LRRC1: variants seen among roughly 807,000 people sequenced by gnomAD.
LRRC1 encodes leucine-rich repeat-containing protein 1.
LRRC1 carries 28 observed loss-of-function variants against 69.9 expected under a neutral mutation model. The ratio of observed to expected loss-of-function variants is 0.40; its 90% CI spans 0.30 to 0.55. LRRC1 has a LOEUF of 0.55. Ranked by LOEUF, LRRC1 falls within the 20% of genes least tolerant of loss-of-function variation. The probability of loss-of-function intolerance (pLI) is 0.47; values close to 1 mark genes in which losing one functional copy is unlikely to be tolerated. For missense variants in LRRC1, 498 were observed against 609.0 expected (o/e 0.82, Z 1.92); for synonymous variants, 236 against 240.2 (o/e 0.98, Z 0.16).
chr6:53,900,376 A>G (rs1316628681), intron 8 of LRRC1, among the ~76,000 whole-genome samples: 2 of 152,134 alleles, frequency 1.3e-5, no homozygotes, highest in Non-Finnish European at 2.9e-5. Context: ...AAGAGTATTT[A>G]TTACAGCAGA....
At chr6:53,854,088 A>G (rs1237896745) in intron 2 of LRRC1, among the ~76,000 whole-genome samples, 3 of 152,150 alleles carry the variant, frequency 2.0e-5, no homozygotes, top group Non-Finnish European at 4.4e-5. Context: ...AAACCAACTG[A>G]CCTGGCAACT....
chr6:53,895,242 A>G (rs1332966247), intron 4 of LRRC1, among the ~76,000 whole-genome samples: 1 of 152,104 alleles, frequency 6.6e-6, no homozygotes, highest in Admixed American at 6.6e-5. Context: ...TTAAAAAGAA[A>G]TTGAAAGTTT....
intron 12 of LRRC1, among the ~76,000 whole-genome samples, 198 bp downstream of exon 12, chr6:53,919,868 A>G (rs1433563676): frequency 1.3e-5 from 2 of 152,190 alleles, no homozygotes. Context: ...ACTCCTATCT[A>G]TTTATCATGT....
chr6:53,906,256 C>T (rs1252106934), intron 10 of LRRC1, among the ~76,000 whole-genome samples: 2 of 152,174 alleles, frequency 1.3e-5, no homozygotes, highest in Admixed American at 6.5e-5. Context: ...AGATGAGTCT[C>T]CCAGTAAACA....
chr6:53,892,011 TACACACACAC>T (rs70980877), intron 4 of LRRC1, among the ~76,000 whole-genome samples: 4 of 135,340 alleles, frequency 3.0e-5, no homozygotes, highest in Non-Finnish European at 4.6e-5. Flanking sequence ...TATATATATA[TACACACACAC>T]ACACACACAC....
chr6:53,804,467 TATTAAAACAA>T (rs1764582822), intron 1 of LRRC1, among the ~76,000 whole-genome samples: 1 of 152,218 alleles, frequency 6.6e-6, no homozygotes, highest in South Asian at 2.1e-4. Flanking sequence ...TATTTGTTGT[TATTAAAACAA>T]AAATAGAACT....
chr6:53,810,160 A>G (rs1764750255), intron 1 of LRRC1, among the ~76,000 whole-genome samples: 3 of 152,238 alleles, frequency 2.0e-5, no homozygotes, highest in African/African-American at 7.2e-5. Flanking sequence ...AGGCAGGCAG[A>G]CAGTGAGAGC....
chr6:53,830,125 G>T (rs1462808135), intron 1 of LRRC1, among the ~76,000 whole-genome samples: 1 of 152,160 alleles, frequency 6.6e-6, no homozygotes, highest in Non-Finnish European at 1.5e-5. Context: ...GGTGGCCTGC[G>T]GGCCACTACC....
intron 1 of LRRC1, among the ~76,000 whole-genome samples, chr6:53,822,435 G>T (rs557704074): frequency 6.6e-6 from 1 of 152,172 alleles, no homozygotes; most frequent in African/African-American, 2.4e-5. Context: ...TAACCCAGGA[G>T]GATAGCGTTA....
In LRRC1 at chr6:53,922,833, C is replaced by A; in HGVS notation, c.*40C>A. On this transcript the variant is annotated 3_prime_UTR_variant, in exon 14 of 14. Transcript: ENST00000370888. ...GTTTTACCTCCTGTGTCTTCCTCTG[C>A]TGTCGAGACGTTCCTGTCTGCTTCC... 1 of 1,593,200 alleles carries A rather than the reference C, an allele frequency of 6.3e-7. No individual in the cohort carries two copies. Among genetic ancestry groups the A allele is most frequent in the Non-Finnish European group, 8.6e-7 (1 of 1,166,980 alleles).
intron 8 of LRRC1, 77 bp from the exon 9 acceptor site, chr6:53,902,552 T>C: frequency 7.0e-6 from 6 of 854,444 alleles, no homozygotes; most frequent in Non-Finnish European, 1.1e-5. Context: ...GAACAGCAGA[T>C]AGGAAATTCC....
Position 53,910,809 on chromosome 6 carries a change from C to G in LRRC1, c.991-3045C>G, listed in dbSNP as rs555601296. Among the ~76,000 whole-genome samples, 4 of 152,348 alleles carry G rather than the reference C, an allele frequency of 2.6e-5. No individual in the cohort carries two copies. In the South Asian group the frequency reaches 6.2e-4, roughly 24 times the overall value. On this transcript the variant is annotated intron_variant, in intron 10 of 13. Coordinates refer to ENST00000370888, the MANE Select transcript of LRRC1 (RefSeq NM_018214.5). ...TCTGTATGGTCTCAAAGCATCCGCT[C>G]CCTCCATCATACCGCATCTCCCTCT... is the stretch of plus-strand genomic sequence containing the variant.
At chr6:53,832,534 C>T (rs527388299) in intron 1 of LRRC1, among the ~76,000 whole-genome samples, 6 of 152,270 alleles carry the variant, frequency 3.9e-5, no homozygotes, top group East Asian at 1.9e-4. Flanking sequence ...TATTGAAAAT[C>T]GCACATCAAA....
At chr6:53,853,281 TA>T (rs1241357849) in intron 2 of LRRC1, among the ~76,000 whole-genome samples, 3 of 125,086 alleles carry the variant, frequency 2.4e-5, no homozygotes, top group East Asian at 5.4e-4. Flanking sequence ...AGGTGGTTCA[TA>T]TTTTTTTTTT....
Position 53,795,559 on chromosome 6 carries a change from CCT to C in LRRC1, c.159+145_159+146del, listed in dbSNP as rs774879840. On this transcript the variant is annotated intron_variant, in intron 1 of 13. Transcript: ENST00000370888. Reference sequence around the variant, plus strand: ...ATGCATTCACCTGCTTCTTTCTCCCCCTGTCTCTTTACTTCCATCCTTTCCCA... The same window carrying C: ...ATGCATTCACCTGCTTCTTTCTCCCCGTCTCTTTACTTCCATCCTTTCCCA... The C allele has an allele frequency of 1.1e-4, 83 of 762,990 alleles. 1 individual carries two copies. The highest frequency in any genetic ancestry group is 2.1e-4 in the Admixed American group (7 of 33,552). 47.3% of individuals were successfully genotyped at this position (762,990 alleles called of 1,614,324 possible). A position where few individuals can be genotyped will look rare whatever the true frequency, so the allele number is the denominator to read the frequency against.
Position 53,892,921 on chromosome 6 carries a change from C to A in LRRC1, c.447-3577C>A, listed in dbSNP as rs1767750904. ...TTATGCTGTGAGGTTTGGGCTCATA[C>A]AGGAGGTAGGAGTCTATAGTCAGAG... On this transcript the variant is annotated intron_variant, in intron 4 of 13. Transcript: ENST00000370888. Among the ~76,000 whole-genome samples, 4 of 152,214 alleles carry A rather than the reference C, an allele frequency of 2.6e-5. No homozygotes were observed. In the South Asian group the frequency reaches 8.3e-4, roughly 32 times the overall value.
intron 4 of LRRC1, among the ~76,000 whole-genome samples, chr6:53,883,586 A>C (rs575616373): frequency 6.6e-6 from 1 of 152,306 alleles, no homozygotes; most frequent in South Asian, 2.1e-4. Context: ...CTGGTGAATA[A>C]ATGTTCTGTT....
Position 53,896,616 on chromosome 6 carries a change from A to G in LRRC1, c.503+62A>G, listed in dbSNP as rs1767883190. On this transcript the variant is annotated intron_variant, in intron 5 of 13. Transcript: ENST00000370888. ...AGAATGAATTTAAGTATTTAAAAAAACAGGACTACAGTATTACGTGAAAAC... is the reference window on the plus strand; with the variant it reads ...AGAATGAATTTAAGTATTTAAAAAAGCAGGACTACAGTATTACGTGAAAAC... 1.3e-5 allele frequency: 19 copies of G among 1,424,744 alleles called. 1 individual carries two copies. The South Asian group carries it at 2.2e-4, about 16-fold the overall frequency. 88.3% of individuals were successfully genotyped at this position (1,424,744 alleles called of 1,614,324 possible).
intron 2 of LRRC1, among the ~76,000 whole-genome samples, chr6:53,848,033 C>T (rs1013432779): frequency 6.6e-6 from 1 of 152,222 alleles, no homozygotes; most frequent in Non-Finnish European, 1.5e-5. Flanking sequence ...CCAAATTTAG[C>T]ACTTTCTTTA....
Sources: allele counts gnomAD v4.1 joint callset (sites outside exome capture counted in the v4.1 genomes callset), GRCh38; gene constraint gnomAD v4.1.1; transcripts MANE v1.5; gene names NCBI Gene and HGNC (gene_info 2026-07-23, HGNC 2026-07-21).